PRC1: variants seen among roughly 807,000 people sequenced by gnomAD.
PRC1 encodes the protein anaphase spindle elongation 1 homolog.
In PRC1, 54 loss-of-function variants were observed where a neutral mutation model predicts 91.2. The ratio of observed to expected loss-of-function variants is 0.59; its 90% CI spans 0.48 to 0.74. The LOEUF is 0.74. Among genes scored for constraint, PRC1 ranks in the 30% least tolerant of loss-of-function variants. PRC1 has a pLI of 0.00. For missense variants in PRC1, 727 were observed against 746.2 expected (o/e 0.97, Z 0.30); for synonymous variants, 275 against 263.6 (o/e 1.04, Z -0.42).
chr15:90,993,210 A>T (rs1173165173), intron 1 of PRC1, among the ~76,000 whole-genome samples: 1 of 114,752 alleles, frequency 8.7e-6, no homozygotes, highest in African/African-American at 4.2e-5. Context: ...CTGTTAATGG[A>T]CTTTTTTTTT....
rs1432543564 is a variant in PRC1 at position 90,969,110 on chromosome 15, G to A, written c.1760C>T (p.Ser587Phe). 3.7e-6 allele frequency: 6 copies of A among 1,613,622 alleles called. No individual in the cohort carries two copies. The highest frequency in any genetic ancestry group is 5.1e-6 in the Non-Finnish European group (6 of 1,179,562). The change falls in exon 14 of 15, where the codon TCC becomes TTC. Residue 587 changes from serine (S) to phenylalanine (F), a missense_variant. By Grantham distance (155) the Ser-to-Phe change is radical. Transcript: ENST00000394249. ...STYSEFAKDP[S>F]LSDSSTVGLQ... is the part of the protein sequence containing the mutation. ...CCCAACAGTGGAACTGTCAGAGAGG[G>A]ACGGATCCTTCTAAGAACAAAGAAT...
Position 90,994,533 on chromosome 15 carries a change from G to C in PRC1, c.-116C>G. On this transcript the variant is annotated 5_prime_UTR_variant, in exon 1 of 15. Coordinates refer to ENST00000394249, the MANE Select transcript of PRC1 (RefSeq NM_003981.4). The stretch of plus-strand genomic sequence containing the variant: ...ACTCCGCGTAGCCGCTCCGCGAGCC[G>C]TTGAGCCCCGCAAAATTTCAAACCG... 2 of 1,421,100 alleles carry C rather than the reference G, an allele frequency of 1.4e-6. No homozygotes were observed. Among genetic ancestry groups the C allele is most frequent in the Non-Finnish European group, 1.9e-6 (2 of 1,052,118 alleles). The allele number at this position is 1,421,100 out of a possible 1,614,324, so 88.0% of individuals were successfully genotyped here.
At chr15:90,994,178 G>A (rs896749894) in intron 1 of PRC1, among the ~76,000 whole-genome samples, 3 of 152,022 alleles carry the variant, frequency 2.0e-5, no homozygotes, top group African/African-American at 4.8e-5. Context: ...GAGCCTGCGG[G>A]CACCTGCGGC....
intron 14 of PRC1, chr15:90,967,753 G>A: frequency 2.4e-6 from 2 of 848,338 alleles, no homozygotes; most frequent in Non-Finnish European, 2.8e-6. Flanking sequence ...TTCTGTCTAG[G>A]ACTGTTAAGT....
In PRC1 at chr15:90,972,185, C is replaced by CAAAAA. The variant is rs79751458; in HGVS notation, c.1462-1676_1462-1672dup. Among the ~76,000 whole-genome samples, 118 of 58,544 alleles carry CAAAAA rather than the reference C, an allele frequency of 2.0e-3. 1 individual carries two copies. The highest frequency in any genetic ancestry group is 0.01 in the South Asian group (15 of 1,500). The allele number at this position is 58,544 out of a possible 152,430, so 38.4% of individuals were successfully genotyped here. A position where few individuals can be genotyped will look rare whatever the true frequency, so the allele number is the denominator to read the frequency against. Reference sequence around the variant, plus strand: ...GTGAGACCTCATCTCTACTGAAACTCAAAAAAAAAAAAAAAAAAACACCAC... The same window carrying CAAAAA: ...GTGAGACCTCATCTCTACTGAAACTCAAAAAAAAAAAAAAAAAAAAAAAACACCAC... On this transcript the variant is annotated intron_variant, in intron 11 of 14. Transcript: ENST00000394249.
In PRC1 at chr15:90,984,620, T is replaced by G. The variant is rs2039448749; in HGVS notation, c.144+73A>C. The G allele has an allele frequency of 1.9e-6, 3 of 1,576,166 alleles. No homozygotes were observed. In the Admixed American group the frequency reaches 5.2e-5, roughly 28 times the overall value. On this transcript the variant is annotated intron_variant, in intron 2 of 14. Transcript: ENST00000394249. The surrounding 1 kb of genome is among the most constrained non-coding windows in gnomAD (Gnocchi z 5.1). ...AATGCCGATGATCACATGTCCCTTC[T>G]GTATGCTATCTCGGGTGAGACACCA...
chr15:90,981,258 CTAG>C (rs2039173434), intron 5 of PRC1: 4 of 693,354 alleles, frequency 5.8e-6, no homozygotes, highest in Non-Finnish European at 7.0e-6. Context: ...TAATTAAACA[CTAG>C]TCTAATTCAA....
At chr15:90,967,984 T>G in intron 14 of PRC1, 1 of 985,250 alleles carries the variant, frequency 1.0e-6, no homozygotes. Flanking sequence ...TTTGATCTCA[T>G]GCTGGAGCAC....
Position 90,974,092 on chromosome 15 carries a change from A to C in PRC1, c.1461+44T>G, listed in dbSNP as rs750222523. On this transcript the variant is annotated intron_variant, in intron 11 of 14. Transcript: ENST00000394249. The surrounding 1 kb of genome is among the most constrained non-coding windows in gnomAD (Gnocchi z 4.6). ...CAAAGAGGTGGCTGGGACTACCCTC[A>C]CCCACTCCCTTGAAATCAGTGTTTC... 35 of 1,556,314 alleles carry C rather than the reference A, an allele frequency of 2.2e-5. No individual in the cohort carries two copies. Among genetic ancestry groups the C allele is most frequent in the Non-Finnish European group, 3.0e-5 (34 of 1,128,252 alleles).
Position 90,981,987 on chromosome 15 carries a change from T to G in PRC1, c.268-6A>C. On this transcript the variant is annotated splice_region_variant and splice_polypyrimidine_tract_variant and intron_variant, in intron 3 of 14. Coordinates refer to ENST00000394249, the MANE Select transcript of PRC1 (RefSeq NM_003981.4). ...ATGGTCGTCTCTCCTTCTTCCTGAATAAGACAACGTACCACTGTTATAAGA... is the reference window on the plus strand; with the variant it reads ...ATGGTCGTCTCTCCTTCTTCCTGAAGAAGACAACGTACCACTGTTATAAGA... 3.1e-6 allele frequency: 5 copies of G among 1,608,734 alleles called. No homozygotes were observed. Among genetic ancestry groups the G allele is most frequent in the Non-Finnish European group, 4.3e-6 (5 of 1,175,606 alleles).
In PRC1 at chr15:90,984,930, A is replaced by G. The variant is rs1034564732; in HGVS notation, c.12-105T>C. On this transcript the variant is annotated intron_variant, in intron 1 of 14. Transcript: ENST00000394249. This position sits in a 1 kb window ranked among gnomAD's most constrained non-coding sequence, Gnocchi z 5.1. ...AGACTAGCTTCTCAGTGGCCTCGAG[A>G]AAAAAACAAATTGAAAACAAGCATT... 1.4e-6 allele frequency: 2 copies of G among 1,408,438 alleles called. No homozygotes were observed. The highest frequency in any genetic ancestry group is 1.9e-6 in the Non-Finnish European group (2 of 1,034,910). 87.2% of individuals were successfully genotyped at this position (1,408,438 alleles called of 1,614,324 possible). A position where few individuals can be genotyped will look rare whatever the true frequency, so the allele number is the denominator to read the frequency against.
chr15:90,992,958 G>T (rs912428496), intron 1 of PRC1, among the ~76,000 whole-genome samples: 2 of 144,616 alleles, frequency 1.4e-5, no homozygotes, highest in Non-Finnish European at 3.0e-5. Context: ...TTCGGGGATC[G>T]ATAACCATAA....
At chr15:90,990,268 G>A (rs2039888112) in intron 1 of PRC1, among the ~76,000 whole-genome samples, 1 of 151,578 alleles carries the variant, frequency 6.6e-6, no homozygotes, top group Admixed American at 6.6e-5. Context: ...TCCGGGAGGT[G>A]GAGGTTGCAG....
At chr15:90,982,071 A>G (rs779281517) in intron 3 of PRC1, 90 bp from the exon 4 acceptor site, 1 of 1,196,220 alleles carries the variant, frequency 8.4e-7, no homozygotes, top group South Asian at 1.4e-5. Flanking sequence ...TGGATGACAG[A>G]CTTTCAGTTA....
chr15:90,983,091 AG>A (rs1295269015), intron 3 of PRC1, among the ~76,000 whole-genome samples: 1 of 152,200 alleles, frequency 6.6e-6, no homozygotes, highest in Non-Finnish European at 1.5e-5. Context: ...ATGTGAAAAA[AG>A]AAAGAGAAAC....
At chr15:90,969,373 C>T (rs2037846577) in intron 13 of PRC1, 74 bp downstream of exon 13, 3 of 1,502,732 alleles carry the variant, frequency 2.0e-6, no homozygotes, top group Middle Eastern at 1.9e-4. Context: ...GCCTGGGTGC[C>T]CCTGGGAAGA....
intron 8 of PRC1, 25 bp downstream of exon 8, chr15:90,979,133 A>G (rs927504988): frequency 3.7e-6 from 6 of 1,606,110 alleles, no homozygotes; most frequent in Middle Eastern, 1.7e-4. Context: ...CTTAACAGTT[A>G]AAAACACAAA....
At chr15:90,979,672 AT>A (rs2039026886) in intron 7 of PRC1, among the ~76,000 whole-genome samples, 1 of 152,240 alleles carries the variant, frequency 6.6e-6, no homozygotes, top group Non-Finnish European at 1.5e-5. Flanking sequence ...CCATCTTTAT[AT>A]TCAGTGCAGT....
At position 90,974,899 on chromosome 15, in the gene PRC1, G is replaced by A. The variant is rs771844824; in HGVS notation, c.1204-168C>T. 1.3e-5 allele frequency among the ~76,000 whole-genome samples: 2 copies of A among 152,146 alleles called. No homozygotes were observed. Among genetic ancestry groups the A allele is most frequent in the African/African-American group, 4.8e-5 (2 of 41,420 alleles). ...TCAGAGTGACCAGAAATCAAAGCCC[G>A]GAGACATTTCATTCACACAACACAC... On this transcript the variant is annotated intron_variant, in intron 9 of 14. Transcript: ENST00000394249. The surrounding 1 kb of genome is among the most constrained non-coding windows in gnomAD (Gnocchi z 4.6).
Sources: gnomAD v4.1 joint callset for allele counts (sites outside exome capture counted in the v4.1 genomes callset) on GRCh38, gnomAD v4.1.1 for gene constraint, Gnocchi (gnomAD v3.1) non-coding constraint, MANE v1.5 for transcripts, NCBI Gene and HGNC (gene_info 2026-07-23, HGNC 2026-07-21) for gene names.